The following CNTN1 variants were observed in gnomAD, a reference collection of about 807,000 sequenced individuals.
The protein encoded by CNTN1 is contactin 1.
In CNTN1, 38 loss-of-function variants were observed where a neutral mutation model predicts 126.4. The ratio of observed to expected loss-of-function variants is 0.30; its 90% confidence interval spans 0.23 to 0.39. CNTN1 has a LOEUF of 0.39. CNTN1 is among the 10% of genes least tolerant of loss of function. CNTN1 has a pLI of 1.00. For synonymous variants in CNTN1, 413 were observed against 422.6 expected, an observed-to-expected ratio of 0.98 and a Z score of 0.28; for missense variants, 1,009 against 1,248.4, an observed-to-expected ratio of 0.81 and a Z score of 2.89.
chr12:41,044,878 A>G (rs767677876), intron 23 of CNTN1, among the ~76,000 whole-genome samples: 24 of 152,100 alleles, frequency 1.6e-4, no homozygotes, highest in Non-Finnish European at 3.1e-4. Flanking sequence ...AATTTTACTA[A>G]AAAGTAATGT....
chr12:40,833,329 C>G (rs1941928275), intron 1 of CNTN1, among the ~76,000 whole-genome samples: 1 of 152,186 alleles, frequency 6.6e-6, no homozygotes, highest in African/African-American at 2.4e-5. Flanking sequence ...CTCCTGGCCT[C>G]AGATGATCTG....
At chr12:40,869,646 G>A (rs1006994665) in intron 1 of CNTN1, among the ~76,000 whole-genome samples, 7 of 151,948 alleles carry the variant, frequency 4.6e-5, no homozygotes, top group Non-Finnish European at 7.4e-5. Context: ...AAAATATTTT[G>A]TATATAGTTT....
intron 1 of CNTN1, among the ~76,000 whole-genome samples, chr12:40,697,635 A>C (rs1941483859): frequency 6.6e-6 from 1 of 152,202 alleles, no homozygotes; most frequent in Non-Finnish European, 1.5e-5. Flanking sequence ...AATTGAATAT[A>C]AAAACAACAT....
rs1948510314 is a variant in CNTN1, at chr12:41,007,044, GGTT to G, written c.2114-7183_2114-7181del. On this transcript the variant is annotated intron_variant, in intron 17 of 23. Coordinates refer to ENST00000551295, the MANE Select transcript of CNTN1 (RefSeq NM_001843.4). ...TTGGCAGTTAAAAGCAGTTTTGTGT[GGTT>G]TTTTTTTTTTTTTTTTTTTTTTTTT... 8.9e-5 allele frequency among the ~76,000 whole-genome samples: 11 copies of G among 123,486 alleles called. 1 individual carries two copies. Among genetic ancestry groups the G allele is most frequent in the African/African-American group, 2.8e-4 (9 of 32,170 alleles). The allele number at this position is 123,486 out of a possible 152,430, so 81.0% of individuals were successfully genotyped here.
At chr12:40,704,360 C>T (rs1161794965) in intron 1 of CNTN1, among the ~76,000 whole-genome samples, 1 of 151,994 alleles carries the variant, frequency 6.6e-6, no homozygotes, top group East Asian at 1.9e-4. Context: ...TCCAAATTAT[C>T]TTTTAATAAG....
intron 14 of CNTN1, among the ~76,000 whole-genome samples, chr12:40,958,704 G>T (rs1177085480): frequency 3.3e-5 from 5 of 151,978 alleles, no homozygotes; most frequent in African/African-American, 1.2e-4. Flanking sequence ...TAGTCAATTA[G>T]ATCAGCTTTG....
intron 1 of CNTN1, among the ~76,000 whole-genome samples, chr12:40,853,810 C>T (rs1011091567): frequency 4.0e-5 from 6 of 151,564 alleles, no homozygotes; most frequent in Non-Finnish European, 7.4e-5. Context: ...CCCCTCTGCC[C>T]TTACTTTTTG....
intron 1 of CNTN1, among the ~76,000 whole-genome samples, chr12:40,865,836 G>A (rs1343787265): frequency 2.0e-5 from 3 of 151,916 alleles, no homozygotes; most frequent in South Asian, 2.1e-4. Flanking sequence ...TTTAAGATTG[G>A]CTTGTCAAAA....
At chr12:40,827,663 C>T (rs1279913935) in intron 1 of CNTN1, among the ~76,000 whole-genome samples, 2 of 152,132 alleles carry the variant, frequency 1.3e-5, no homozygotes, top group Non-Finnish European at 2.9e-5. Context: ...AAACATTCTG[C>T]AGTATGCAAA....
intron 7 of CNTN1, among the ~76,000 whole-genome samples, chr12:40,932,660 A>G (rs1945930408): frequency 6.6e-6 from 1 of 151,934 alleles, no homozygotes; most frequent in South Asian, 2.1e-4. Context: ...TGCTCAAGCT[A>G]AACTGGTCCA....
At chr12:40,967,090 C>T (rs573301131) in intron 15 of CNTN1, among the ~76,000 whole-genome samples, 1 of 152,084 alleles carries the variant, frequency 6.6e-6, no homozygotes, top group Non-Finnish European at 1.5e-5. Flanking sequence ...TTGCTTGAAC[C>T]CAGGGGGCGG....
chr12:40,943,779 G>A, intron 13 of CNTN1, 55 bp downstream of exon 13: 1 of 1,583,812 alleles, frequency 6.3e-7, no homozygotes, highest in Non-Finnish European at 8.7e-7. Context: ...ACATGATTCA[G>A]CACTAAGCAT....
intron 1 of CNTN1, among the ~76,000 whole-genome samples, chr12:40,741,622 A>G (rs1421713541): frequency 2.0e-5 from 3 of 152,102 alleles, no homozygotes; most frequent in African/African-American, 4.8e-5. Flanking sequence ...AATACTTGAA[A>G]TAGTATGTGC....
intron 1 of CNTN1, among the ~76,000 whole-genome samples, chr12:40,873,734 C>G (rs1286547572): frequency 6.6e-6 from 1 of 152,000 alleles, no homozygotes; most frequent in Non-Finnish European, 1.5e-5. Context: ...TGTAAAAACC[C>G]AAAACATAAT....
chr12:40,777,167 C>T (rs1939619454), intron 1 of CNTN1, among the ~76,000 whole-genome samples: 1 of 151,558 alleles, frequency 6.6e-6, no homozygotes, highest in Non-Finnish European at 1.5e-5. Context: ...GACTCTATCT[C>T]CAATATCAAG....
At chr12:40,728,700 A>G (rs916657024) in intron 1 of CNTN1, 3 of 152,198 alleles carry the variant, frequency 2.0e-5, no homozygotes, top group African/African-American at 7.2e-5. Context: ...TCACTTTTAC[A>G]ATTTTATCAT....
intron 1 of CNTN1, among the ~76,000 whole-genome samples, chr12:40,734,677 G>A (rs898910902): frequency 6.6e-6 from 1 of 152,092 alleles, no homozygotes; most frequent in African/African-American, 2.4e-5. Context: ...GAATTTCGTA[G>A]ATGACAAATA....
intron 23 of CNTN1, among the ~76,000 whole-genome samples, chr12:41,053,428 A>ATATAT (rs1949730499): frequency 3.1e-4 from 20 of 64,110 alleles, no homozygotes; most frequent in African/African-American, 1.5e-3. Context: ...GTTTTCACTA[A>ATATAT]ATATATATAT....
intron 23 of CNTN1, chr12:41,061,877 A>T (rs1010023727): frequency 1.1e-5 from 5 of 453,450 alleles, no homozygotes. Flanking sequence ...CTATTGACAG[A>T]ACTAGAGGTA....
Sources: allele counts gnomAD v4.1 joint callset (sites outside exome capture counted in the v4.1 genomes callset), GRCh38; gene constraint gnomAD v4.1.1; transcripts MANE v1.5; gene names NCBI Gene and HGNC (gene_info 2026-07-23, HGNC 2026-07-21).